The following MYH11 variants were observed in gnomAD, a reference collection of about 807,000 sequenced individuals.
MYH11 encodes myosin-11.
A neutral mutation model predicts 246.6 loss-of-function variants in MYH11; 80 were observed. The ratio of observed to expected loss-of-function variants is 0.32; its 90% CI spans 0.27 to 0.39. MYH11 has a LOEUF of 0.39. MYH11 is among the 10% of genes least tolerant of loss of function. The pLI, the probability that MYH11 is intolerant of heterozygous loss-of-function variation, is 1.00. For missense variants in MYH11, 2,158 were observed against 2,546.8 expected (o/e 0.85, Z 3.29); for synonymous variants, 1,071 against 1,015.5 (o/e 1.05, Z -1.04).
In MYH11 at chr16:15,737,707, A is replaced by G. The variant is rs536374138; in HGVS notation, c.3122-87T>C. 7 of 1,477,538 alleles carry G rather than the reference A, an allele frequency of 4.7e-6. No individual in the cohort carries two copies. In the African/African-American group the frequency reaches 6.9e-5, roughly 15 times the overall value. 91.5% of individuals were successfully genotyped at this position (1,477,538 alleles called of 1,614,324 possible). A position where few individuals can be genotyped will look rare whatever the true frequency, so the allele number is the denominator to read the frequency against. ...CTTCCTGCCCAGGCATTTTACCCGG[A>G]GGAGATGAACACATCCCCCAATCAG... is the stretch of plus-strand genomic sequence containing the variant. On this transcript the variant is annotated intron_variant, in intron 24 of 40. Coordinates refer to ENST00000300036, the MANE Select transcript of MYH11 (RefSeq NM_002474.3).
chr16:15,749,990 G>A, intron 16 of MYH11, 148 bp downstream of exon 16: 1 of 986,770 alleles, frequency 1.0e-6, no homozygotes, highest in South Asian at 1.5e-5. Context: ...CCAGGGATGG[G>A]GAATGGGTCT....
At chr16:15,723,332 T>C (rs886929576) in intron 31 of MYH11, among the ~76,000 whole-genome samples, 1 of 152,110 alleles carries the variant, frequency 6.6e-6, no homozygotes, top group African/African-American at 2.4e-5. Flanking sequence ...TAAGGCATGA[T>C]AGATAGAATT....
At chr16:15,761,253 G>T (rs1251854865) in intron 10 of MYH11, among the ~76,000 whole-genome samples, 1 of 152,094 alleles carries the variant, frequency 6.6e-6, no homozygotes, top group African/African-American at 2.4e-5. Flanking sequence ...TGGCATTATA[G>T]GTGCCTGCCA....
intron 10 of MYH11, among the ~76,000 whole-genome samples, chr16:15,761,664 T>G (rs1300825379): frequency 6.6e-6 from 1 of 152,234 alleles, no homozygotes; most frequent in Non-Finnish European, 1.5e-5. Context: ...CATTACATGC[T>G]GCTTTGCATG....
intron 1 of MYH11, among the ~76,000 whole-genome samples, chr16:15,846,409 C>G (rs1219426725): frequency 1.3e-5 from 2 of 152,142 alleles, no homozygotes; most frequent in Non-Finnish European, 2.9e-5. Flanking sequence ...CAGAATTAAT[C>G]TACGGTGATA....
rs370854451 is a variant in MYH11, at chr16:15,735,563, G to T, written c.3309C>A (p.Ile1103=). ...QAALARLDDE[I]AQKNNALKKI... ...TCTTCAGGGCATTGTTCTTCTGAGC[G>T]ATTTCATCGTCAAGCCTTCCAGGGA... The change falls in exon 26 of 41, where the codon ATC becomes ATA. Residue 1103 remains isoleucine (I), a synonymous_variant. Transcript: ENST00000300036. 1.9e-6 allele frequency: 3 copies of T among 1,614,066 alleles called. No individual in the cohort carries two copies. The highest frequency in any genetic ancestry group is 2.7e-5 in the African/African-American group (2 of 74,922).
At chr16:15,842,741 G>A (rs560708986) in intron 1 of MYH11, among the ~76,000 whole-genome samples, 27 of 114,344 alleles carry the variant, frequency 2.4e-4, no homozygotes, top group African/African-American at 9.5e-4. Context: ...TCTGGCCCAG[G>A]CAACAGAGCA....
intron 4 of MYH11, among the ~76,000 whole-genome samples, chr16:15,790,208 G>C (rs2042576039): frequency 1.3e-5 from 2 of 152,214 alleles, no homozygotes. Context: ...GGGGAGCTGA[G>C]GCAGGAGAAT....
At chr16:15,814,455 A>C (rs1218051895) in intron 3 of MYH11, among the ~76,000 whole-genome samples, 1 of 145,658 alleles carries the variant, frequency 6.9e-6, no homozygotes, top group East Asian at 2.2e-4. Context: ...TGGGAGGCTG[A>C]GGCAGGAGAA....
intron 3 of MYH11, among the ~76,000 whole-genome samples, chr16:15,819,061 G>A (rs2043336683): frequency 6.6e-6 from 1 of 151,940 alleles, no homozygotes; most frequent in South Asian, 2.1e-4. Context: ...TTTTTGTAGA[G>A]ACAAGAGCTC....
Position 15,753,523 on chromosome 16 carries a change from C to A in MYH11, c.1750-15G>T. The A allele has an allele frequency of 6.2e-7, 1 of 1,604,140 alleles. No individual in the cohort carries two copies. The highest frequency in any genetic ancestry group is 8.5e-7 in the Non-Finnish European group (1 of 1,170,880). Reference sequence around the variant, plus strand: ...TTATAGTCCACCTGCCAAGGACACCCTGCTGGTCAGAACCCCTGGGAAACT... The same window carrying A: ...TTATAGTCCACCTGCCAAGGACACCATGCTGGTCAGAACCCCTGGGAAACT... On this transcript the variant is annotated splice_polypyrimidine_tract_variant and intron_variant, in intron 14 of 40. Transcript: ENST00000300036.
intron 3 of MYH11, 112 bp from the exon 4 acceptor site, chr16:15,798,799 C>T: frequency 8.4e-7 from 1 of 1,187,456 alleles, no homozygotes; most frequent in South Asian, 1.3e-5. Flanking sequence ...CCATGCTGGC[C>T]TCATTGGAAG....
At chr16:15,793,604 T>C (rs965312494) in intron 4 of MYH11, among the ~76,000 whole-genome samples, 1 of 144,410 alleles carries the variant, frequency 6.9e-6, no homozygotes, top group Non-Finnish European at 1.5e-5. Flanking sequence ...ATTTTCAGTT[T>C]CTTTTCTTTT....
chr16:15,704,187 A>G, intron 40 of MYH11, 64 bp from the exon 41 acceptor site: 2 of 1,598,258 alleles, frequency 1.3e-6, no homozygotes, highest in East Asian at 4.5e-5. Flanking sequence ...TAGATTTTTT[A>G]TAAATCTATT....
intron 1 of MYH11, among the ~76,000 whole-genome samples, chr16:15,845,253 T>C (rs1444583888): frequency 6.6e-6 from 1 of 151,538 alleles, no homozygotes; most frequent in East Asian, 1.9e-4. Context: ...TGTGGCCCGA[T>C]ACAAATTCAT....
intron 2 of MYH11, among the ~76,000 whole-genome samples, chr16:15,834,313 G>C (rs939833183): frequency 6.6e-6 from 1 of 152,086 alleles, no homozygotes; most frequent in African/African-American, 2.4e-5. Context: ...GATCACCTGA[G>C]GTCAGGAGTT....
chr16:15,736,750 T>C (rs2041129562), intron 25 of MYH11, among the ~76,000 whole-genome samples: 1 of 152,224 alleles, frequency 6.6e-6, no homozygotes, highest in Non-Finnish European at 1.5e-5. Context: ...ACATTGCTCC[T>C]GTTGCGTTAC....
chr16:15,846,474 A>T (rs901051718), intron 1 of MYH11, among the ~76,000 whole-genome samples: 1 of 152,194 alleles, frequency 6.6e-6, no homozygotes, highest in African/African-American at 2.4e-5. Context: ...CAAGGACAGA[A>T]CGTGAGGGGG....
chr16:15,819,319 A>C (rs937501396), intron 3 of MYH11, among the ~76,000 whole-genome samples: 1 of 152,196 alleles, frequency 6.6e-6, no homozygotes, highest in African/African-American at 2.4e-5. Flanking sequence ...TGTCAATTAC[A>C]ACATTGCCTC....
Sources: allele counts gnomAD v4.1 joint callset (sites outside exome capture counted in the v4.1 genomes callset), GRCh38; gene constraint gnomAD v4.1.1; transcripts MANE v1.5; gene names NCBI Gene and HGNC (gene_info 2026-07-23, HGNC 2026-07-21).